Variants in MMP14 observed in about 807,000 individuals in gnomAD.
MMP14 encodes the protein matrix metallopeptidase 14.
A neutral mutation model predicts 64.8 loss-of-function variants in MMP14; 13 were observed. The observed-to-expected ratio is 0.20, with a 90% CI of 0.13 to 0.32. MMP14 has a LOEUF of 0.32. MMP14 is among the 10% of genes least tolerant of loss of function. MMP14 has a pLI of 1.00. For missense variants in MMP14, 594 were observed against 783.8 expected, an observed-to-expected ratio of 0.76 and a Z score of 2.89; for synonymous variants, 322 against 315.9, an observed-to-expected ratio of 1.02 and a Z score of -0.20.
chr14:22,847,603 G>A lies in MMP14; in HGVS notation c.*1564G>A, dbSNP rs942792737. ...ATTATATATGAATTCCATTCAAATCGTTCCTTTTTGTTAACAAGGGGCATG... is the reference window on the plus strand; with the variant it reads ...ATTATATATGAATTCCATTCAAATCATTCCTTTTTGTTAACAAGGGGCATG... On this transcript the variant is annotated 3_prime_UTR_variant, in exon 10 of 10. Coordinates refer to ENST00000311852, the MANE Select transcript of MMP14 (RefSeq NM_004995.4). 6 of 120,844 alleles carry A rather than the reference G, an allele frequency of 5.0e-5. No homozygotes were observed. The highest frequency in any genetic ancestry group is 5.6e-4 in the South Asian group (2 of 3,560). The allele number at this position is 120,844 out of a possible 1,614,324, so 7.5% of individuals were successfully genotyped here.
Position 22,844,352 on chromosome 14 carries a change from T to C in MMP14, c.1012-19T>C, listed in dbSNP as rs770723321. 5.0e-6 allele frequency: 8 copies of C among 1,613,864 alleles called. No homozygotes were observed. The African/African-American group carries it at 1.1e-4, about 22-fold the overall frequency. ...GCCGCAAGACATAATGGACTTTTCCTGCATTGACCGGCTTCCAGGAGCGCT... is the reference window on the plus strand; with the variant it reads ...GCCGCAAGACATAATGGACTTTTCCCGCATTGACCGGCTTCCAGGAGCGCT... On this transcript the variant is annotated intron_variant, in intron 6 of 9. Transcript: ENST00000311852.
chr14:22,845,597 A>G (rs2039806707), intron 9 of MMP14, 111 bp from the exon 10 acceptor site: 3 of 1,161,070 alleles, frequency 2.6e-6, no homozygotes, highest in Non-Finnish European at 3.8e-6. Flanking sequence ...GATGCTCACG[A>G]AGGTGGAGGG....
In MMP14 at chr14:22,843,583, G is replaced by T. The variant is rs541962297; in HGVS notation, c.851-127G>T. On this transcript the variant is annotated intron_variant, in intron 5 of 9. Transcript: ENST00000311852. This position sits in a 1 kb window ranked among gnomAD's most constrained non-coding sequence, Gnocchi z 4.8. ...AGCCCATCTTTTGTGTCGCCTCCCA[G>T]TTGGTTGCTTCAGCCTCCCCTAGAA... 5 of 1,388,640 alleles carry T rather than the reference G, an allele frequency of 3.6e-6. No homozygotes were observed. The highest frequency in any genetic ancestry group is 4.9e-6 in the Non-Finnish European group (5 of 1,016,816). 86.0% of individuals were successfully genotyped at this position (1,388,640 alleles called of 1,614,324 possible).
At chr14:22,845,159 A>G in intron 8 of MMP14, 92 bp from the exon 9 acceptor site, 1 of 902,562 alleles carries the variant, frequency 1.1e-6, no homozygotes, top group Non-Finnish European at 1.8e-6. Flanking sequence ...GTCCACAGCT[A>G]TCCTTTGCCC....
rs1356538708 is a variant in MMP14, at chr14:22,846,779, ATGGGGC to A, written c.*742_*747del. The A allele has an allele frequency of 6.5e-6, 1 of 152,724 alleles. No individual in the cohort carries two copies. The highest frequency in any genetic ancestry group is 1.9e-4 in the East Asian group (1 of 5,204). 9.5% of individuals were successfully genotyped at this position (152,724 alleles called of 1,614,324 possible). ...TGTGCCTCTCGAATGTTAGCCTTGG[ATGGGGC>A]TTTCACAGTTAGAAGAGCTGAAACC... is the stretch of plus-strand genomic sequence containing the variant. On this transcript the variant is annotated 3_prime_UTR_variant, in exon 10 of 10. Coordinates refer to ENST00000311852, the MANE Select transcript of MMP14 (RefSeq NM_004995.4).
Position 22,843,891 on chromosome 14 carries a change from T to A in MMP14, c.1011+21T>A. ...TCAAGGTGAGAAGAAGTGGGCTGGT[T>A]TGAAAGACAAAAGGGCCCTATGGGC... is the stretch of plus-strand genomic sequence containing the variant. On this transcript the variant is annotated intron_variant, in intron 6 of 9. Coordinates refer to ENST00000311852, the MANE Select transcript of MMP14 (RefSeq NM_004995.4). This position sits in a 1 kb window ranked among gnomAD's most constrained non-coding sequence, Gnocchi z 4.8. 2 of 1,605,646 alleles carry A rather than the reference T, an allele frequency of 1.2e-6. No individual in the cohort carries two copies.
chr14:22,843,727 C>T lies in MMP14; in HGVS notation c.868C>T (p.Pro290Ser), dbSNP rs1056628989. Residue 290 changes from proline to serine, a missense_variant, in exon 6 of 10, where the codon CCC (proline) becomes TCC (serine). Physicochemically the swap from Pro to Ser is moderately conservative, Grantham distance 74 (BLOSUM62 -1). Coordinates refer to ENST00000311852, the MANE Select transcript of MMP14 (RefSeq NM_004995.4). This position sits in a 1 kb window ranked among gnomAD's most constrained non-coding sequence, Gnocchi z 4.8. ...QQLYGGESGF[P>S]TKMPPQPRTT... is the part of the protein sequence containing the mutation. ...TGCCCCAGGGGGTGAGTCAGGGTTC[C>T]CCACCAAGATGCCCCCTCAACCCAG... 1 of 1,590,782 alleles carries T rather than the reference C, an allele frequency of 6.3e-7. No homozygotes were observed.
rs743257 is a variant in MMP14 at position 22,846,122 on chromosome 14, T to C, written c.*83T>C. ...GCAGCAGGTGGTGGTGGGTGGGCTG[T>C]TCCCATCGTCCCGAGCCCCCTCCCC... On this transcript the variant is annotated 3_prime_UTR_variant, in exon 10 of 10. Coordinates refer to ENST00000311852, the MANE Select transcript of MMP14 (RefSeq NM_004995.4). The C allele has an allele frequency of 0.51, 677,821 of 1,318,360 alleles. 177,956 individuals carry two copies. The highest frequency in any genetic ancestry group is 0.79 in the African/African-American group (53,133 of 67,276). 81.7% of individuals were successfully genotyped at this position (1,318,360 alleles called of 1,614,324 possible).
intron 2 of MMP14, 21 bp downstream of exon 2, chr14:22,841,660 G>A: frequency 6.2e-7 from 1 of 1,613,336 alleles, no homozygotes; most frequent in South Asian, 1.1e-5. Context: ...GACCCTGGCA[G>A]GAGTTCTGCC....
intron 1 of MMP14, among the ~76,000 whole-genome samples, chr14:22,838,248 G>A (rs1187803391): frequency 1.3e-5 from 2 of 152,162 alleles, no homozygotes; most frequent in African/African-American, 4.8e-5. Context: ...CTGAAAGGGA[G>A]CGCCCCTAAC....
Position 22,843,907 on chromosome 14 carries a change from C to T in MMP14, c.1011+37C>T, listed in dbSNP as rs757702972. On this transcript the variant is annotated intron_variant, in intron 6 of 9. Transcript: ENST00000311852. This position sits in a 1 kb window ranked among gnomAD's most constrained non-coding sequence, Gnocchi z 4.8. ...TGGGCTGGTTTGAAAGACAAAAGGG[C>T]CCTATGGGCTGGGCATGGTGGCTCA... 36 of 1,598,930 alleles carry T rather than the reference C, an allele frequency of 2.3e-5. No individual in the cohort carries two copies. Among genetic ancestry groups the T allele is most frequent in the Non-Finnish European group, 2.9e-5 (34 of 1,176,378 alleles).
At position 22,846,175 on chromosome 14, in the gene MMP14, T is replaced by C; in HGVS notation, c.*136T>C. The C allele has an allele frequency of 1.1e-6, 1 of 871,300 alleles. No homozygotes were observed. Among genetic ancestry groups the C allele is most frequent in the South Asian group, 1.8e-5 (1 of 54,692 alleles). The allele number at this position is 871,300 out of a possible 1,614,324, so 54.0% of individuals were successfully genotyped here. On this transcript the variant is annotated 3_prime_UTR_variant, in exon 10 of 10. Coordinates refer to ENST00000311852, the MANE Select transcript of MMP14 (RefSeq NM_004995.4). ...AGCCTCCTTGCTTCTCTCTGTCCCCTGGCTGGCCTCCTTCACCCTGACCGC... is the reference window on the plus strand; with the variant it reads ...AGCCTCCTTGCTTCTCTCTGTCCCCCGGCTGGCCTCCTTCACCCTGACCGC...
chr14:22,841,364 G>A lies in MMP14; in HGVS notation c.109-127G>A. 2.4e-6 allele frequency: 3 copies of A among 1,243,722 alleles called. No homozygotes were observed. The African/African-American group carries it at 4.5e-5, about 19-fold the overall frequency. The allele number at this position is 1,243,722 out of a possible 1,614,324, so 77.0% of individuals were successfully genotyped here. On this transcript the variant is annotated intron_variant, in intron 1 of 9. Coordinates refer to ENST00000311852, the MANE Select transcript of MMP14 (RefSeq NM_004995.4). ...GGGAGTTCCTCCAGACCTGCTGCCG[G>A]AGCCAAGCTGGGAACCCACTGCCCT...
At position 22,845,314 on chromosome 14, in the gene MMP14, C is replaced by G. The variant is rs1200345041; in HGVS notation, c.1365C>G (p.Val455=). The G allele has an allele frequency of 6.2e-7, 1 of 1,613,432 alleles. No individual in the cohort carries two copies. Among genetic ancestry groups the G allele is most frequent in the South Asian group, 1.1e-5 (1 of 90,918 alleles). The change falls in exon 9 of 10, where the codon GTC becomes GTG. Residue 455 remains valine (V), a synonymous_variant. Coordinates refer to ENST00000311852, the MANE Select transcript of MMP14 (RefSeq NM_004995.4). ...VDSEYPKNIK[V]WEGIPESPRG... is the part of the protein sequence containing the mutation. ...GCGAGTACCCCAAGAACATCAAAGT[C>G]TGGGAAGGGATCCCTGAGTCTCCCA...
Position 22,842,641 on chromosome 14 carries a change from C to T in MMP14, c.612C>T (p.Phe204=). The part of the protein sequence containing the change: ...GEGGFLAHAY[F]PGPNIGGDTH... ...GCGGCTTCCTGGCCCATGCCTACTT[C>T]CCAGGCCCCAACATTGGAGGAGACA... Residue 204 remains phenylalanine (F), a synonymous_variant, in exon 4 of 10, where the codon TTC becomes TTT. Coordinates refer to ENST00000311852, the MANE Select transcript of MMP14 (RefSeq NM_004995.4). This position sits in a 1 kb window ranked among gnomAD's most constrained non-coding sequence, Gnocchi z 5.3. The T allele has an allele frequency of 6.2e-7, 1 of 1,614,160 alleles. No homozygotes were observed. The highest frequency in any genetic ancestry group is 8.5e-7 in the Non-Finnish European group (1 of 1,180,004).
chr14:22,842,318 C>T lies in MMP14; in HGVS notation c.381-92C>T, dbSNP rs1205286298. ...GGGTCAGGCAGAGGTGGCTGGGCCG[C>T]GCAGTCAGACCTGGGAGAGTGCAGG... is the stretch of plus-strand genomic sequence containing the variant. On this transcript the variant is annotated intron_variant, in intron 3 of 9. Coordinates refer to ENST00000311852, the MANE Select transcript of MMP14 (RefSeq NM_004995.4). The surrounding 1 kb of genome is among the most constrained non-coding windows in gnomAD (Gnocchi z 5.3). 32 of 1,420,364 alleles carry T rather than the reference C, an allele frequency of 2.3e-5. No individual in the cohort carries two copies. Among genetic ancestry groups the T allele is most frequent in the Middle Eastern group, 5.1e-4 (2 of 3,886 alleles). 88.0% of individuals were successfully genotyped at this position (1,420,364 alleles called of 1,614,324 possible).
chr14:22,845,307 T>A lies in MMP14; in HGVS notation c.1358T>A (p.Ile453Asn). 6.2e-7 allele frequency: 1 copy of A among 1,613,260 alleles called. No individual in the cohort carries two copies. The highest frequency in any genetic ancestry group is 8.5e-7 in the Non-Finnish European group (1 of 1,179,728). Residue 453 changes from isoleucine to asparagine, a missense_variant, in exon 9 of 10, where the codon ATC becomes AAC. By Grantham distance (149) the Ile-to-Asn change is moderately radical. Around this residue, in one of 4 missense-constraint regions of MMP14, gnomAD observed 364 missense variants for 425.2 expected, o/e 0.86. Transcript: ENST00000311852. ...RAVDSEYPKNIKVWEGIPESP... is the reference protein window; with the variant it reads ...RAVDSEYPKNNKVWEGIPESP... Reference sequence around the variant, plus strand: ...GTGGATAGCGAGTACCCCAAGAACATCAAAGTCTGGGAAGGGATCCCTGAG... The same window carrying A: ...GTGGATAGCGAGTACCCCAAGAACAACAAAGTCTGGGAAGGGATCCCTGAG...
At position 22,846,372 on chromosome 14, in the gene MMP14, A is replaced by G. The variant is rs2039813810; in HGVS notation, c.*333A>G. 2.3e-5 allele frequency: 7 copies of G among 304,320 alleles called. No individual in the cohort carries two copies. The South Asian group carries it at 7.3e-4, about 32-fold the overall frequency. 18.9% of individuals were successfully genotyped at this position (304,320 alleles called of 1,614,324 possible). A position where few individuals can be genotyped will look rare whatever the true frequency, so the allele number is the denominator to read the frequency against. On this transcript the variant is annotated 3_prime_UTR_variant, in exon 10 of 10. Coordinates refer to ENST00000311852, the MANE Select transcript of MMP14 (RefSeq NM_004995.4). ...CTGCACTTGAAGGCAGGACCCTCAGACCTCGCTGGTAAAGGTCAAATGGGG... is the reference window on the plus strand; with the variant it reads ...CTGCACTTGAAGGCAGGACCCTCAGGCCTCGCTGGTAAAGGTCAAATGGGG...
At position 22,842,359 on chromosome 14, in the gene MMP14, C is replaced by T. The variant is rs747478219; in HGVS notation, c.381-51C>T. On this transcript the variant is annotated intron_variant, in intron 3 of 9. Transcript: ENST00000311852. This position sits in a 1 kb window ranked among gnomAD's most constrained non-coding sequence, Gnocchi z 5.3. The stretch of plus-strand genomic sequence containing the variant: ...AGAGTGCAGGGAAGGAGAATGTTGC[C>T]CCTCTTTATCCTAACACACCCCATC... The T allele has an allele frequency of 3.2e-6, 5 of 1,559,764 alleles. No homozygotes were observed. Among genetic ancestry groups the T allele is most frequent in the Admixed American group, 1.8e-5 (1 of 57,048 alleles).
Sources: allele counts gnomAD v4.1 joint callset (sites outside exome capture counted in the v4.1 genomes callset), GRCh38; gene constraint gnomAD v4.1.1; regional missense constraint gnomAD v4.1.1; non-coding constraint Gnocchi (gnomAD v3.1); transcripts MANE v1.5; gene names NCBI Gene and HGNC (gene_info 2026-07-23, HGNC 2026-07-21).